Variants in WDFY2 observed in about 807,000 individuals in gnomAD.
WDFY2 encodes WD repeat and FYVE domain containing 2.
A neutral mutation model predicts 56.4 loss-of-function variants in WDFY2; 36 were observed. The observed-to-expected ratio is 0.64, with a 90% CI of 0.49 to 0.84. The LOEUF (loss-of-function observed/expected upper bound fraction) is 0.84. Ranked by LOEUF, WDFY2 falls within the 40% of genes least tolerant of loss-of-function variation. The pLI, the probability that WDFY2 is intolerant of heterozygous loss-of-function variation, is 0.00. For synonymous variants in WDFY2, 176 were observed against 183.7 expected (o/e 0.96, Z 0.34); for missense variants, 444 against 512.2 (o/e 0.87, Z 1.29).
intron 5 of WDFY2, among the ~76,000 whole-genome samples, chr13:51,723,270 C>T (rs2138640531): frequency 6.6e-6 from 1 of 152,284 alleles, no homozygotes; most frequent in African/African-American, 2.4e-5. Context: ...AATCACAATG[C>T]TATTGTTACA....
chr13:51,707,216 G>T lies in WDFY2; in HGVS notation c.334+3566G>T, dbSNP rs118079802. ...AATCAGTTGCCCAGGCTAGAGTGCA[G>T]TGGTGTGATCTCAACTCACTGCAAC... On this transcript the variant is annotated intron_variant, in intron 4 of 11. Transcript: ENST00000298125. Among the ~76,000 whole-genome samples the T allele has an allele frequency of 2.4e-3, 369 of 152,310 alleles. 3 individuals are homozygous for T. The highest frequency in any genetic ancestry group is 3.2e-3 in the Non-Finnish European group (215 of 68,034).
chr13:51,630,287 T>C (rs141498085), intron 1 of WDFY2, among the ~76,000 whole-genome samples: 2 of 152,334 alleles, frequency 1.3e-5, no homozygotes, highest in Admixed American at 6.5e-5. Context: ...CTTACTTTTA[T>C]AGCATGTGAA....
chr13:51,688,770 C>G (rs1336900096), intron 3 of WDFY2, among the ~76,000 whole-genome samples: 1 of 152,170 alleles, frequency 6.6e-6, no homozygotes, highest in African/African-American at 2.4e-5. Context: ...TCAATTTCAG[C>G]AGGCAACTTT....
intron 1 of WDFY2, among the ~76,000 whole-genome samples, chr13:51,651,653 C>A (rs1438032330): frequency 1.3e-5 from 2 of 152,118 alleles, no homozygotes; most frequent in African/African-American, 4.8e-5. Flanking sequence ...ATCTTTATTT[C>A]TGCCTTGATT....
At chr13:51,729,779 TATTCTC>T (rs1392276282) in intron 6 of WDFY2, among the ~76,000 whole-genome samples, 1 of 152,270 alleles carries the variant, frequency 6.6e-6, no homozygotes, top group Non-Finnish European at 1.5e-5. Context: ...AGTTCCTTCT[TATTCTC>T]TTAATAGCAA....
intron 1 of WDFY2, among the ~76,000 whole-genome samples, chr13:51,632,024 A>G (rs1954962730): frequency 6.6e-6 from 1 of 152,074 alleles, no homozygotes. Context: ...TATTTCTTCT[A>G]TGTTATAGTA....
chr13:51,711,176 C>A (rs980914819), intron 4 of WDFY2, among the ~76,000 whole-genome samples: 1 of 152,114 alleles, frequency 6.6e-6, no homozygotes, highest in Admixed American at 6.5e-5. Flanking sequence ...CTGACAAAAA[C>A]AAGAAATGGG....
intron 4 of WDFY2, among the ~76,000 whole-genome samples, chr13:51,707,078 G>A (rs1035577693): frequency 6.6e-6 from 1 of 152,236 alleles, no homozygotes; most frequent in East Asian, 1.9e-4. Context: ...TAAAAAATCA[G>A]TGGGTAGAAT....
chr13:51,732,641 A>C (rs1341963095), intron 6 of WDFY2, among the ~76,000 whole-genome samples: 1 of 152,210 alleles, frequency 6.6e-6, no homozygotes, highest in African/African-American at 2.4e-5. Context: ...AGAATAACTA[A>C]ACAAACTAAG....
chr13:51,592,334 G>A (rs1954062769), intron 1 of WDFY2: 1 of 152,072 alleles, frequency 6.6e-6, no homozygotes. Context: ...CAGCACTTTG[G>A]GGGGTTGAGG....
chr13:51,636,889 A>G (rs1237420297), intron 1 of WDFY2, among the ~76,000 whole-genome samples: 1 of 151,056 alleles, frequency 6.6e-6, no homozygotes, highest in Non-Finnish European at 1.5e-5. Flanking sequence ...GGGTACACAC[A>G]TGTGAAAAAA....
chr13:51,668,378 T>C lies in WDFY2; in HGVS notation c.206-6792T>C, dbSNP rs566322490. Among the ~76,000 whole-genome samples the C allele has an allele frequency of 2.0e-5, 3 of 152,320 alleles. No homozygotes were observed. In the South Asian group the frequency reaches 6.2e-4, roughly 32 times the overall value. ...TTGTCTGGGAGTGACCACTTCTAAT[T>C]TGCTTTGCTGTTATTACTCAGCCTA... On this transcript the variant is annotated intron_variant, in intron 2 of 11. Transcript: ENST00000298125.
chr13:51,715,206 T>C (rs1256076879), intron 4 of WDFY2, among the ~76,000 whole-genome samples: 1 of 152,202 alleles, frequency 6.6e-6, no homozygotes, highest in African/African-American at 2.4e-5. Context: ...ATTTTTTCAA[T>C]AATAAACCTA....
chr13:51,759,488 C>T (rs1405104820), intron 11 of WDFY2, among the ~76,000 whole-genome samples: 1 of 152,202 alleles, frequency 6.6e-6, no homozygotes, highest in Non-Finnish European at 1.5e-5. Context: ...CCAGTCCTCT[C>T]AGCCATTAAT....
intron 1 of WDFY2, chr13:51,587,978 G>A (rs554309851): frequency 6.6e-6 from 1 of 152,260 alleles, no homozygotes; most frequent in African/African-American, 2.4e-5. Flanking sequence ...AGTATTAATG[G>A]AGGAAATATA....
chr13:51,763,007 G>A lies in WDFY2; in HGVS notation c.*3238G>A, dbSNP rs138440166. The stretch of plus-strand genomic sequence containing the variant: ...TTGTATGGGGTCAATCCACCATAAC[G>A]TGTTTCTCATTTGGTTTTAATTATT... On this transcript the variant is annotated 3_prime_UTR_variant, in exon 12 of 12. Coordinates refer to ENST00000298125, the MANE Select transcript of WDFY2 (RefSeq NM_052950.4). The A allele has an allele frequency of 2.6e-5, 4 of 152,262 alleles. No homozygotes were observed. The highest frequency in any genetic ancestry group is 2.1e-4 in the South Asian group (1 of 4,820). The allele number at this position is 152,262 out of a possible 1,614,324, so 9.4% of individuals were successfully genotyped here.
intron 1 of WDFY2, among the ~76,000 whole-genome samples, chr13:51,640,248 G>A (rs1019538985): frequency 2.0e-5 from 3 of 152,156 alleles, no homozygotes; most frequent in Admixed American, 2.0e-4. Context: ...AGAGGCTGTT[G>A]TATATAATTT....
At chr13:51,596,270 A>G (rs1418734196) in intron 1 of WDFY2, among the ~76,000 whole-genome samples, 1 of 152,198 alleles carries the variant, frequency 6.6e-6, no homozygotes, top group East Asian at 1.9e-4. Context: ...AATTAAATTA[A>G]GGAGGTTAAT....
At chr13:51,642,676 CTTTTTTTTTTT>C (rs999605077) in intron 1 of WDFY2, among the ~76,000 whole-genome samples, 7 of 103,058 alleles carry the variant, frequency 6.8e-5, no homozygotes, top group African/African-American at 1.9e-4. Flanking sequence ...GGGCATCTGT[CTTTTTTTTTTT>C]TTTTTTTTTT....
Sources: allele counts gnomAD v4.1 joint callset (sites outside exome capture counted in the v4.1 genomes callset), GRCh38; gene constraint gnomAD v4.1.1; transcripts MANE v1.5; gene names NCBI Gene and HGNC (gene_info 2026-07-23, HGNC 2026-07-21).